Variants in PRPS2 observed in about 807,000 individuals in gnomAD.
PRPS2 encodes the protein ribose-phosphate pyrophosphokinase 2.
For synonymous variants in PRPS2, 111 were observed against 115.3 expected (o/e 0.96, Z 0.24); for missense variants, 104 against 271.5 (o/e 0.38, Z 4.34).
intron 2 of PRPS2, among the ~76,000 whole-genome samples, chrX:12,803,778 G>C (rs766738206): frequency 8.9e-6 from 1 of 112,373 alleles, no homozygotes; most frequent in African/African-American, 3.2e-5. Context: ...CTCACTTCAG[G>C]AGGCCTTAAA....
chrX:12,809,867 T>C (rs1413928280), intron 3 of PRPS2, among the ~76,000 whole-genome samples, 155 bp from the exon 4 acceptor site: 1 of 112,576 alleles, frequency 8.9e-6, no homozygotes, highest in Non-Finnish European at 1.9e-5. Flanking sequence ...TTTGATTTAA[T>C]TCTGTTTAAA....
At chrX:12,800,015 GAAAAT>G (rs779232482) in intron 2 of PRPS2, among the ~76,000 whole-genome samples, 1 of 112,450 alleles carries the variant, frequency 8.9e-6, no homozygotes, top group East Asian at 2.8e-4. Context: ...AAAAATTGAA[GAAAAT>G]GTGGTTGGTC....
At chrX:12,799,104 C>G (rs2042557354) in intron 1 of PRPS2, 103 bp from the exon 2 acceptor site, 5 of 779,134 alleles carry the variant, frequency 6.4e-6, no homozygotes. Context: ...TAGGCTGAGT[C>G]CTATAAGTCA....
chrX:12,793,067 A>G (rs2042527639), intron 1 of PRPS2, among the ~76,000 whole-genome samples: 1 of 112,498 alleles, frequency 8.9e-6, no homozygotes, highest in East Asian at 2.8e-4. Flanking sequence ...AGGATGGTCT[A>G]GGGCTCTGGA....
intron 4 of PRPS2, 135 bp from the exon 5 acceptor site, chrX:12,819,372 G>A: frequency 1.3e-6 from 1 of 742,230 alleles, no homozygotes; most frequent in Non-Finnish European, 2.0e-6. Context: ...CCCAGACCAT[G>A]CCTGGGCTGA....
chrX:12,822,894 T>TCAC lies in PRPS2; in HGVS notation c.*99_*101dup. On this transcript the variant is annotated 3_prime_UTR_variant, in exon 7 of 7. Transcript: ENST00000380668. ...TAGGTATTCAGCAATGATAGGTTAA[T>TCAC]CACTGGCAAAAGCATCAGATCTTTG... The TCAC allele has an allele frequency of 1.6e-6, 1 of 608,041 alleles. No homozygotes were observed. Among genetic ancestry groups the TCAC allele is most frequent in the Non-Finnish European group, 2.7e-6 (1 of 369,817 alleles). 50.1% of individuals were successfully genotyped at this position (608,041 alleles called of 1,213,427 possible).
In PRPS2 at chrX:12,806,324, T is replaced by C. The variant is rs150969229; in HGVS notation, c.307-2910T>C. Among the ~76,000 whole-genome samples, 348 of 112,267 alleles carry C rather than the reference T, an allele frequency of 3.1e-3. 2 individuals are homozygous for C. Among genetic ancestry groups the C allele is most frequent in the African/African-American group, 0.011 (328 of 30,915 alleles). On this transcript the variant is annotated intron_variant, in intron 2 of 6. Transcript: ENST00000380668. ...TTTTAAAAGCCTGTCAATTTTACAC[T>C]TTTCAAAAGGTGATATTTGATGCCT...
chrX:12,809,724 A>T (rs1449732897), intron 3 of PRPS2, among the ~76,000 whole-genome samples: 1 of 112,455 alleles, frequency 8.9e-6, no homozygotes, highest in Non-Finnish European at 1.9e-5. Flanking sequence ...TAACTACTTA[A>T]GAGACAACAA....
At position 12,823,253 on chromosome X, in the gene PRPS2, C is replaced by T. The variant is rs1373425975; in HGVS notation, c.*457C>T. On this transcript the variant is annotated 3_prime_UTR_variant, in exon 7 of 7. Coordinates refer to ENST00000380668, the MANE Select transcript of PRPS2 (RefSeq NM_002765.5). ...TAAAACCCTGTATAGAATTAATTAT[C>T]CTTTTACTTTGGAGTGAACCTTGGA... 2 of 110,141 alleles carry T rather than the reference C, an allele frequency of 1.8e-5. No homozygotes were observed. The highest frequency in any genetic ancestry group is 6.7e-5 in the African/African-American group (2 of 30,074). The allele number at this position is 110,141 out of a possible 1,213,427, so 9.1% of individuals were successfully genotyped here.
intron 1 of PRPS2, among the ~76,000 whole-genome samples, chrX:12,791,935 C>T (rs1351471869): frequency 2.7e-5 from 3 of 112,989 alleles, no homozygotes; most frequent in Non-Finnish European, 5.7e-5. Flanking sequence ...CGTCCCCAGC[C>T]CGGAAGGGAG....
chrX:12,792,164 T>C (rs1004251977), intron 1 of PRPS2, among the ~76,000 whole-genome samples: 3 of 112,635 alleles, frequency 2.7e-5, no homozygotes, highest in Non-Finnish European at 5.6e-5. Flanking sequence ...CGAACGCTGC[T>C]TCCCCCGACC....
At chrX:12,798,017 G>A in intron 1 of PRPS2, among the ~76,000 whole-genome samples, 1 of 112,294 alleles carries the variant, frequency 8.9e-6, no homozygotes, top group African/African-American at 3.2e-5. Context: ...CACAGGCAGA[G>A]AGATAACCCA....
chrX:12,796,757 C>T (rs1348647707), intron 1 of PRPS2, among the ~76,000 whole-genome samples: 2 of 106,362 alleles, frequency 1.9e-5, no homozygotes, highest in Non-Finnish European at 3.9e-5. Flanking sequence ...ACATAACATT[C>T]AAAAACTTCC....
intron 1 of PRPS2, among the ~76,000 whole-genome samples, chrX:12,798,607 C>T (rs1452588124): frequency 8.9e-6 from 1 of 111,911 alleles, no homozygotes; most frequent in Non-Finnish European, 1.9e-5. Flanking sequence ...TAATAAAAAA[C>T]TAAAACTAAA....
At chrX:12,819,454 A>G in intron 4 of PRPS2, 53 bp from the exon 5 acceptor site, 1 of 1,151,005 alleles carries the variant, frequency 8.7e-7, no homozygotes, top group South Asian at 2.0e-5. Flanking sequence ...TACAACTTTA[A>G]AGGCGAGATC....
chrX:12,820,634 T>C lies in PRPS2; in HGVS notation c.705-10T>C, dbSNP rs2042671072. Reference sequence around the variant, plus strand: ...CATACCCTTAATTTTTATCTTCTGCTGTTCTACAGGCTGCTGTCAGCTGGA... The same window carrying C: ...CATACCCTTAATTTTTATCTTCTGCCGTTCTACAGGCTGCTGTCAGCTGGA... On this transcript the variant is annotated splice_polypyrimidine_tract_variant and intron_variant, in intron 5 of 6. Transcript: ENST00000380668. 4 of 1,200,943 alleles carry C rather than the reference T, an allele frequency of 3.3e-6. No homozygotes were observed. The East Asian group carries it at 8.9e-5, about 27-fold the overall frequency.
chrX:12,813,426 C>A (rs1026882058), intron 4 of PRPS2, among the ~76,000 whole-genome samples: 1 of 112,268 alleles, frequency 8.9e-6, no homozygotes, highest in Non-Finnish European at 1.9e-5. Flanking sequence ...TAGTAGGATA[C>A]GTTCCTAGAA....
rs1418994447 is a variant in PRPS2 at position 12,824,222 on chromosome X, A to G, written c.*1426A>G. 8.9e-6 allele frequency: 1 copy of G among 112,943 alleles called. No individual in the cohort carries two copies. Among genetic ancestry groups the G allele is most frequent in the East Asian group, 2.7e-4 (1 of 3,648 alleles). 9.3% of individuals were successfully genotyped at this position (112,943 alleles called of 1,213,427 possible). On this transcript the variant is annotated 3_prime_UTR_variant, in exon 7 of 7. Transcript: ENST00000380668. ...CAATAAAATCATTCTGACTGCGTTC[A>G]TAGTTTGTATGTATCATTGTGGAGT...
At chrX:12,805,119 G>A (rs2042587318) in intron 2 of PRPS2, among the ~76,000 whole-genome samples, 1 of 111,951 alleles carries the variant, frequency 8.9e-6, no homozygotes, top group Non-Finnish European at 1.9e-5. Context: ...AGATTCTGAT[G>A]GTGAAGGAAT....
Sources: allele counts gnomAD v4.1 joint callset (sites outside exome capture counted in the v4.1 genomes callset), GRCh38; gene constraint gnomAD v4.1.1; transcripts MANE v1.5; gene names NCBI Gene and HGNC (gene_info 2026-07-23, HGNC 2026-07-21).